Variants in RBPJ observed in about 807,000 individuals in gnomAD.
RBPJ encodes recombining binding protein suppressor of hairless.
RBPJ carries 9 observed loss-of-function variants against 67.8 expected under a neutral mutation model. That is an observed-to-expected ratio of 0.13 (90% CI 0.08 to 0.23). The LOEUF (loss-of-function observed/expected upper bound fraction) is 0.23. Ranked by LOEUF, RBPJ falls within the 10% of genes least tolerant of loss-of-function variation. The pLI, the probability that RBPJ is intolerant of heterozygous loss-of-function variation, is 1.00. For missense variants in RBPJ, 305 were observed against 595.6 expected, an observed-to-expected ratio of 0.51 and a Z score of 5.08; for synonymous variants, 198 against 203.3, an observed-to-expected ratio of 0.97 and a Z score of 0.22.
At chr4:26,319,887 A>T, upstream of RBPJ, 1 of 1,564,454 alleles carries the variant, frequency 6.4e-7, no homozygotes, top group Non-Finnish European at 8.8e-7. Flanking sequence ...GGGGGGCTGC[A>T]GGTAGGAGGA....
chr4:26,383,157 A>C (rs1267479768), intron 1 of RBPJ, among the ~76,000 whole-genome samples: 1 of 152,188 alleles, frequency 6.6e-6, no homozygotes, highest in African/African-American at 2.4e-5. Flanking sequence ...TCTTTTGCAC[A>C]TATTTTCTGT....
chr4:26,391,349 A>G (rs1285594686), intron 2 of RBPJ, among the ~76,000 whole-genome samples: 1 of 152,244 alleles, frequency 6.6e-6, no homozygotes, highest in Non-Finnish European at 1.5e-5. Context: ...ATACGTGGTC[A>G]GTTACTTTCC....
chr4:26,172,004 A>C (rs919118454), intron 1 of RBPJ, among the ~76,000 whole-genome samples: 1 of 152,228 alleles, frequency 6.6e-6, no homozygotes, highest in African/African-American at 2.4e-5. Context: ...CTGCCTGCTA[A>C]GCTGGAGGTT....
intron 1 of RBPJ, among the ~76,000 whole-genome samples, chr4:26,266,184 C>CT (rs1720699598): frequency 6.6e-6 from 1 of 152,138 alleles, no homozygotes; most frequent in Admixed American, 6.5e-5. Flanking sequence ...CCCTGCAGTG[C>CT]TCTAAACACT....
At chr4:26,271,230 T>C (rs1425989314) in intron 1 of RBPJ, among the ~76,000 whole-genome samples, 1 of 152,138 alleles carries the variant, frequency 6.6e-6, no homozygotes, top group Admixed American at 6.5e-5. Flanking sequence ...AACTTTATCA[T>C]AGGTATGCAT....
upstream of RBPJ, among the ~76,000 whole-genome samples, chr4:26,320,194 A>G (rs1722870059): frequency 6.6e-6 from 1 of 152,196 alleles, no homozygotes; most frequent in African/African-American, 2.4e-5. Context: ...GTGGCTCTCA[A>G]TTCCAAGGCA....
At chr4:26,392,928 TTTTTG>T (rs573493390) in intron 2 of RBPJ, among the ~76,000 whole-genome samples, 16 of 152,162 alleles carry the variant, frequency 1.1e-4, no homozygotes, top group South Asian at 2.1e-4. Context: ...TTTGTTTATT[TTTTTG>T]TTTTGTTTTG....
At chr4:26,109,483 TATATATATAC>T in the RBPJ span, among the ~76,000 whole-genome samples, 3 of 59,040 alleles carry the variant, frequency 5.1e-5, no homozygotes, top group African/African-American at 2.3e-4. Context: ...TATATATATA[TATATATATAC>T]ACACACACAT....
intron 1 of RBPJ, among the ~76,000 whole-genome samples, chr4:26,184,185 A>G (rs1015279187): frequency 8.6e-5 from 12 of 139,960 alleles, no homozygotes; most frequent in Non-Finnish European, 1.5e-4. Flanking sequence ...TCATCTCAAA[A>G]AAAAAAAAAA....
intron 1 of RBPJ, among the ~76,000 whole-genome samples, chr4:26,274,037 A>G (rs1328891270): frequency 6.6e-6 from 1 of 152,106 alleles, no homozygotes; most frequent in African/African-American, 2.4e-5. Context: ...TTTCCCAACC[A>G]CAGGTGTGGC....
At chr4:26,303,095 C>T (rs1430348379) in intron 1 of RBPJ, among the ~76,000 whole-genome samples, 3 of 151,602 alleles carry the variant, frequency 2.0e-5, no homozygotes, top group East Asian at 1.9e-4. Flanking sequence ...GAAATAGAAA[C>T]GCTTGAATCT....
intron 1 of RBPJ, among the ~76,000 whole-genome samples, chr4:26,302,028 A>G (rs1188750188): frequency 6.6e-6 from 1 of 152,118 alleles, no homozygotes; most frequent in Non-Finnish European, 1.5e-5. Flanking sequence ...CCTGACCTCA[A>G]ATGATCTACC....
chr4:26,125,644 C>T, the RBPJ span, among the ~76,000 whole-genome samples: 1 of 151,966 alleles, frequency 6.6e-6, no homozygotes, highest in African/African-American at 2.4e-5. Context: ...ACCAAAAATA[C>T]AAAAATTAGC....
At chr4:26,396,597 A>G (rs1304301589) in intron 2 of RBPJ, among the ~76,000 whole-genome samples, 5 of 152,274 alleles carry the variant, frequency 3.3e-5, no homozygotes, top group Non-Finnish European at 7.3e-5. Flanking sequence ...TAAAGCTAAT[A>G]GAACACAGAT....
At chr4:26,232,449 C>A (rs1442381004) in intron 1 of RBPJ, among the ~76,000 whole-genome samples, 1 of 150,798 alleles carries the variant, frequency 6.6e-6, no homozygotes, top group African/African-American at 2.5e-5. Context: ...AAATTCCTGG[C>A]CTCAAGCAAT....
chr4:26,244,109 G>A (rs1347384299), intron 1 of RBPJ, among the ~76,000 whole-genome samples: 1 of 145,940 alleles, frequency 6.9e-6, no homozygotes, highest in African/African-American at 2.6e-5. Context: ...CAAAAAAAAA[G>A]AAGAAAAAGA....
At chr4:26,277,865 G>A (rs79772784) in intron 1 of RBPJ, among the ~76,000 whole-genome samples, 3,820 of 152,198 alleles carry the variant, frequency 0.025, 93 homozygotes, top group Middle Eastern at 0.092. Flanking sequence ...GGTTTCTATC[G>A]GGCTTTAAAA....
intron 1 of RBPJ, among the ~76,000 whole-genome samples, chr4:26,379,994 C>A (rs777801894): frequency 6.6e-6 from 1 of 152,102 alleles, no homozygotes; most frequent in Non-Finnish European, 1.5e-5. Flanking sequence ...TTATACCTAG[C>A]CAAGTTTCGA....
intron 1 of RBPJ, among the ~76,000 whole-genome samples, chr4:26,195,308 T>C (rs936973069): frequency 5.3e-5 from 8 of 152,186 alleles, no homozygotes; most frequent in African/African-American, 1.7e-4. Context: ...AGTTCAAAGC[T>C]GCAGTCTTTT....
Sources: allele counts gnomAD v4.1 joint callset (sites outside exome capture counted in the v4.1 genomes callset), GRCh38; gene constraint gnomAD v4.1.1; transcripts MANE v1.5; gene names NCBI Gene and HGNC (gene_info 2026-07-23, HGNC 2026-07-21).